STX8: variants seen among roughly 807,000 people sequenced by gnomAD.
The protein encoded by STX8 is syntaxin-8.
A neutral mutation model predicts 37.5 loss-of-function variants in STX8; 23 were observed. The observed-to-expected ratio is 0.61, with a 90% confidence interval of 0.44 to 0.87. The LOEUF (loss-of-function observed/expected upper bound fraction) is 0.87. STX8 is among the 40% of genes least tolerant of loss of function. The pLI is 0.00. For synonymous variants in STX8, 115 were observed against 99.1 expected (o/e 1.16, Z -0.95); for missense variants, 313 against 284.7 (o/e 1.10, Z -0.71).
chr17:9,343,043 A>G (rs1380133399), intron 7 of STX8, among the ~76,000 whole-genome samples: 3 of 144,030 alleles, frequency 2.1e-5, no homozygotes, highest in Non-Finnish European at 3.1e-5. Context: ...AAAAAAAAAA[A>G]GCTGCAAATG....
intron 7 of STX8, among the ~76,000 whole-genome samples, chr17:9,314,702 C>T (rs934157588): frequency 6.6e-6 from 1 of 151,148 alleles, no homozygotes; most frequent in South Asian, 2.1e-4. Flanking sequence ...GCCACCATGC[C>T]CGGCCGCTTA....
At chr17:9,322,098 T>C (rs1199460607) in intron 7 of STX8, among the ~76,000 whole-genome samples, 1 of 152,236 alleles carries the variant, frequency 6.6e-6, no homozygotes, top group Non-Finnish European at 1.5e-5. Context: ...CAGAATACGT[T>C]CGTCCCAGGG....
chr17:9,450,797 T>C (rs909934292), intron 6 of STX8, among the ~76,000 whole-genome samples: 3 of 152,172 alleles, frequency 2.0e-5, no homozygotes, highest in African/African-American at 4.8e-5. Flanking sequence ...TAAGAAGGAA[T>C]TTTATTTCTC....
chr17:9,409,782 A>G (rs1043387276), intron 6 of STX8, among the ~76,000 whole-genome samples: 2 of 150,654 alleles, frequency 1.3e-5, no homozygotes, highest in African/African-American at 4.8e-5. Context: ...CCTAATTGGA[A>G]GCACTGGGGG....
At chr17:9,567,386 G>T (rs1440749396) in intron 2 of STX8, among the ~76,000 whole-genome samples, 2 of 152,136 alleles carry the variant, frequency 1.3e-5, no homozygotes, top group Non-Finnish European at 2.9e-5. Context: ...CTCAAATTTT[G>T]AACTCAGTGT....
At chr17:9,281,500 C>G (rs1191396567) in intron 7 of STX8, among the ~76,000 whole-genome samples, 1 of 150,670 alleles carries the variant, frequency 6.6e-6, no homozygotes, top group Non-Finnish European at 1.5e-5. Flanking sequence ...TTTTCTTCCA[C>G]TGGGATTACA....
At chr17:9,402,332 G>C (rs1912654336) in intron 6 of STX8, among the ~76,000 whole-genome samples, 3 of 152,104 alleles carry the variant, frequency 2.0e-5, no homozygotes, top group African/African-American at 7.2e-5. Context: ...TGTTGGTCAG[G>C]CTGATCTCGA....
intron 4 of STX8, among the ~76,000 whole-genome samples, chr17:9,540,448 G>A (rs758907616): frequency 1.4e-4 from 22 of 152,264 alleles, no homozygotes; most frequent in Non-Finnish European, 2.8e-4. Flanking sequence ...ACATGTTCCC[G>A]TTACGGTGTT....
chr17:9,510,136 A>C (rs1381583238), intron 4 of STX8, among the ~76,000 whole-genome samples: 1 of 152,228 alleles, frequency 6.6e-6, no homozygotes, highest in Non-Finnish European at 1.5e-5. Flanking sequence ...ATATAAAGCA[A>C]ACATTATTAG....
chr17:9,328,234 T>C (rs946797027), intron 7 of STX8, among the ~76,000 whole-genome samples: 4 of 152,100 alleles, frequency 2.6e-5, no homozygotes, highest in African/African-American at 9.7e-5. Context: ...CCTAGGTTTT[T>C]GTGGCTGGTA....
rs1555527679 is a variant in STX8 at position 9,440,529 on chromosome 17, T to TATTTTA, written c.541+51299_541+51300insTAAAAT. On this transcript the variant is annotated intron_variant, in intron 6 of 7. Transcript: ENST00000306357. ...TACAATCATAGTGAATCAATGATTT[T>TATTTTA]TTTTTTTTTTTTTGAGACGGAGTCT... 3.5e-4 allele frequency among the ~76,000 whole-genome samples: 51 copies of TATTTTA among 144,396 alleles called. 1 individual carries two copies. Among genetic ancestry groups the TATTTTA allele is most frequent in the African/African-American group, 1.3e-3 (51 of 39,666 alleles). 94.7% of individuals were successfully genotyped at this position (144,396 alleles called of 152,430 possible).
chr17:9,437,810 T>C (rs1904488849), intron 6 of STX8: 1 of 152,214 alleles, frequency 6.6e-6, no homozygotes, highest in Non-Finnish European at 1.5e-5. Context: ...GCCGGCCACT[T>C]TCCCAGTCTC....
At chr17:9,547,640 G>A (rs9911052) in intron 3 of STX8, among the ~76,000 whole-genome samples, 129,821 of 133,130 alleles carry the variant, frequency 0.98, 63,384 homozygotes, top group East Asian at 0.99. Context: ...AAAAAAAAAA[G>A]AAAAAAGAAA....
chr17:9,430,157 TATA>T (rs1317777465), intron 6 of STX8, among the ~76,000 whole-genome samples: 1 of 112,564 alleles, frequency 8.9e-6, no homozygotes, highest in African/African-American at 3.5e-5. Context: ...ATATATAAAA[TATA>T]AAATATATAT....
At chr17:9,312,061 T>A (rs1269260678) in intron 7 of STX8, among the ~76,000 whole-genome samples, 1 of 152,082 alleles carries the variant, frequency 6.6e-6, no homozygotes, top group African/African-American at 2.4e-5. Context: ...TTGGCCAGGC[T>A]GGTCCGAACT....
At chr17:9,456,050 C>T (rs1179075299) in intron 6 of STX8, among the ~76,000 whole-genome samples, 1 of 152,104 alleles carries the variant, frequency 6.6e-6, no homozygotes, top group Non-Finnish European at 1.5e-5. Context: ...TGTGTTTCAC[C>T]CAGGATTCAG....
intron 7 of STX8, among the ~76,000 whole-genome samples, chr17:9,341,684 G>A (rs1324169051): frequency 6.6e-6 from 1 of 152,100 alleles, no homozygotes; most frequent in African/African-American, 2.4e-5. Context: ...TAATCTGCCG[G>A]CTTCGGCCTC....
chr17:9,474,887 G>A (rs1183859263), intron 6 of STX8, among the ~76,000 whole-genome samples: 3 of 152,134 alleles, frequency 2.0e-5, no homozygotes, highest in African/African-American at 7.2e-5. Context: ...CAGGAGAATC[G>A]CTTGAATCCA....
intron 6 of STX8, among the ~76,000 whole-genome samples, chr17:9,458,044 A>C (rs890635185): frequency 6.6e-6 from 1 of 152,258 alleles, no homozygotes; most frequent in Non-Finnish European, 1.5e-5. Flanking sequence ...CCAGTACTTA[A>C]ACCAATCTTG....
Sources: allele counts gnomAD v4.1 joint callset (sites outside exome capture counted in the v4.1 genomes callset), GRCh38; gene constraint gnomAD v4.1.1; transcripts MANE v1.5; gene names NCBI Gene and HGNC (gene_info 2026-07-23, HGNC 2026-07-21).